The following DCC variants were observed in gnomAD, a reference collection of about 807,000 sequenced individuals.
DCC encodes DCC netrin 1 receptor, also known as netrin receptor DCC.
A neutral mutation model predicts 172.5 loss-of-function variants in DCC; 58 were observed. The ratio of observed to expected loss-of-function variants is 0.34; its 90% CI spans 0.27 to 0.42. The LOEUF is 0.42. Among genes scored for constraint, DCC ranks in the 10% least tolerant of loss-of-function variants. The probability of loss-of-function intolerance (pLI) is 1.00; values close to 1 mark genes in which losing one functional copy is unlikely to be tolerated. For synonymous variants in DCC, 709 were observed against 644.5 expected (o/e 1.10, Z -1.52); for missense variants, 1,740 against 1,791.0 (o/e 0.97, Z 0.51).
At chr18:53,205,463 T>G in intron 10 of DCC, 99 bp downstream of exon 10, 3 of 1,142,494 alleles carry the variant, frequency 2.6e-6, no homozygotes, top group Non-Finnish European at 4.0e-6. Context: ...TCGCAAACTC[T>G]TGAAACAGCC....
intron 5 of DCC, among the ~76,000 whole-genome samples, chr18:53,032,385 G>T (rs2042037117): frequency 6.6e-6 from 1 of 152,124 alleles, no homozygotes; most frequent in Non-Finnish European, 1.5e-5. Context: ...TCAGCTCTTT[G>T]CATGGAATAC....
intron 3 of DCC, among the ~76,000 whole-genome samples, chr18:52,912,612 C>T (rs1029495314): frequency 2.0e-5 from 3 of 151,936 alleles, no homozygotes; most frequent in Non-Finnish European, 4.4e-5. Context: ...TTTTCCTTTG[C>T]TGTATGATAT....
chr18:53,518,430 G>A (rs2046363095), intron 27 of DCC, among the ~76,000 whole-genome samples: 1 of 152,106 alleles, frequency 6.6e-6, no homozygotes, highest in South Asian at 2.1e-4. Context: ...ATTTTACATG[G>A]GAAAACCTTC....
At chr18:52,440,619 T>C (rs1056350201) in intron 1 of DCC, among the ~76,000 whole-genome samples, 1 of 152,186 alleles carries the variant, frequency 6.6e-6, no homozygotes, top group Admixed American at 6.5e-5. Flanking sequence ...TTTATTTTAT[T>C]TCTTAAACGT....
chr18:52,572,063 G>A (rs1036684885), intron 1 of DCC, among the ~76,000 whole-genome samples: 2 of 152,120 alleles, frequency 1.3e-5, no homozygotes, highest in Middle Eastern at 6.8e-3. Flanking sequence ...ATTTTGGGAG[G>A]CCTTAACATT....
At chr18:52,584,362 A>G (rs2033622094) in intron 1 of DCC, among the ~76,000 whole-genome samples, 1 of 152,210 alleles carries the variant, frequency 6.6e-6, no homozygotes, top group Admixed American at 6.5e-5. Context: ...ATTAGATCCA[A>G]CATTATATGT....
chr18:53,102,199 A>C (rs575441873), intron 7 of DCC, among the ~76,000 whole-genome samples: 46 of 152,120 alleles, frequency 3.0e-4, no homozygotes, highest in Non-Finnish European at 2.8e-4. Context: ...AGGCACAAAA[A>C]TGTAATCGCT....
At chr18:52,907,315 T>C (rs1482633492) in intron 3 of DCC, among the ~76,000 whole-genome samples, 2 of 146,294 alleles carry the variant, frequency 1.4e-5, no homozygotes, top group African/African-American at 2.5e-5. Flanking sequence ...TACATATGTA[T>C]ATGTATATAT....
At chr18:52,796,550 T>C (rs936110837) in intron 2 of DCC, among the ~76,000 whole-genome samples, 1 of 152,158 alleles carries the variant, frequency 6.6e-6, no homozygotes, top group Non-Finnish European at 1.5e-5. Flanking sequence ...GGAAAGACTT[T>C]ATTTTTCCTT....
At chr18:53,019,911 T>C (rs908120179) in intron 5 of DCC, among the ~76,000 whole-genome samples, 1 of 152,172 alleles carries the variant, frequency 6.6e-6, no homozygotes, top group Non-Finnish European at 1.5e-5. Context: ...ATATTAGGAA[T>C]TATAAACATG....
chr18:53,296,494 T>C (rs2057069735), intron 12 of DCC, among the ~76,000 whole-genome samples: 1 of 152,202 alleles, frequency 6.6e-6, no homozygotes, highest in South Asian at 2.1e-4. Context: ...TGAAGGCTTA[T>C]GTTGCAAATT....
chr18:52,856,347 C>T (rs1598871463), intron 2 of DCC, among the ~76,000 whole-genome samples: 4 of 151,536 alleles, frequency 2.6e-5, no homozygotes, highest in South Asian at 4.2e-4. Context: ...AGAGCAAGGC[C>T]GGGCGCGGTG....
intron 2 of DCC, among the ~76,000 whole-genome samples, chr18:52,770,258 C>T (rs935260607): frequency 2.6e-5 from 4 of 152,110 alleles, no homozygotes; most frequent in Admixed American, 6.5e-5. Context: ...TGTCTCACTT[C>T]CTCCCACATC....
chr18:52,842,903 A>T (rs1365818220), intron 2 of DCC, among the ~76,000 whole-genome samples: 1 of 151,794 alleles, frequency 6.6e-6, no homozygotes, highest in Non-Finnish European at 1.5e-5. Flanking sequence ...GCTTAGTTTC[A>T]CTAGCTGAGA....
At chr18:52,661,204 A>C (rs2144947457) in intron 1 of DCC, among the ~76,000 whole-genome samples, 1 of 152,328 alleles carries the variant, frequency 6.6e-6, no homozygotes. Flanking sequence ...GGACAACACA[A>C]GAATTGAGGC....
intron 1 of DCC, among the ~76,000 whole-genome samples, chr18:52,643,587 GT>G (rs1169750405): frequency 6.6e-6 from 1 of 152,158 alleles, no homozygotes; most frequent in Non-Finnish European, 1.5e-5. Context: ...CAGAAAGAAT[GT>G]CCACTGCTTA....
chr18:53,438,114 C>T (rs1255735714), intron 22 of DCC, among the ~76,000 whole-genome samples: 1 of 152,202 alleles, frequency 6.6e-6, no homozygotes, highest in Non-Finnish European at 1.5e-5. Context: ...AATCATCCAA[C>T]AGAGCCAATT....
rs1555689775 is a variant in DCC, at chr18:52,497,293, A to ATATATATGTG, written c.91+156422_91+156423insGTGTATATAT. Reference sequence around the variant, plus strand: ...AAAAAAAAAAAAAATATATATATATATATATATATATATATATATATACAC... The same window carrying ATATATATGTG: ...AAAAAAAAAAAAAATATATATATATATATATATGTGTATATATATATATATATATATACAC... On this transcript the variant is annotated intron_variant, in intron 1 of 28. Transcript: ENST00000442544. Among the ~76,000 whole-genome samples, 180 of 29,926 alleles carry ATATATATGTG rather than the reference A, an allele frequency of 6.0e-3. 9 individuals are homozygous for ATATATATGTG. The highest frequency in any genetic ancestry group is 0.059 in the Middle Eastern group (2 of 34). The allele number at this position is 29,926 out of a possible 152,430, so 19.6% of individuals were successfully genotyped here.
intron 5 of DCC, among the ~76,000 whole-genome samples, chr18:53,017,314 G>A (rs187474954): frequency 7.2e-5 from 11 of 152,126 alleles, no homozygotes; most frequent in South Asian, 4.1e-4. Context: ...ATATTTTTGC[G>A]TAACAACTTC....
Sources: gnomAD v4.1 joint callset for allele counts (sites outside exome capture counted in the v4.1 genomes callset) on GRCh38, gnomAD v4.1.1 for gene constraint, MANE v1.5 for transcripts, NCBI Gene and HGNC (gene_info 2026-07-23, HGNC 2026-07-21) for gene names.